KCTD1: variants seen among roughly 807,000 people sequenced by gnomAD.
KCTD1 encodes the protein potassium channel tetramerization domain containing 1, also known as BTB/POZ domain-containing protein KCTD1.
A neutral mutation model predicts 66.0 loss-of-function variants in KCTD1; 24 were observed. The observed-to-expected ratio is 0.36, with a 90% confidence interval of 0.26 to 0.51. KCTD1 has a LOEUF of 0.51. Among genes scored for constraint, KCTD1 ranks in the 20% least tolerant of loss-of-function variants. KCTD1 has a pLI of 0.95. For missense variants in KCTD1, 943 were observed against 1,205.2 expected (o/e 0.78, Z 3.22); for synonymous variants, 511 against 517.2 (o/e 0.99, Z 0.16).
At chr18:26,640,883 G>C (rs1288325974), upstream of KCTD1, among the ~76,000 whole-genome samples, 1 of 152,108 alleles carries the variant, frequency 6.6e-6, no homozygotes, top group Non-Finnish European at 1.5e-5. Flanking sequence ...CATCTGCGGA[G>C]GAAGCTTGGG....
chr18:26,543,963 T>C (rs1985093831), intron 1 of KCTD1: 1 of 152,238 alleles, frequency 6.6e-6, no homozygotes. Flanking sequence ...GAAGTACTGT[T>C]CTCTGAGGTA....
chr18:26,515,575 G>A (rs548277863), intron 1 of KCTD1, among the ~76,000 whole-genome samples: 116 of 145,416 alleles, frequency 8.0e-4, no homozygotes, highest in Non-Finnish European at 1.3e-3. Context: ...TGGCTTGCTC[G>A]GCTCACTGCA....
At chr18:26,546,601 C>T in intron 1 of KCTD1, 127 bp downstream of exon 1, 1 of 1,143,842 alleles carries the variant, frequency 8.7e-7, no homozygotes, top group South Asian at 1.8e-5. Flanking sequence ...AAGGGTGAAA[C>T]GAAATCCGAT....
intron 1 of KCTD1, among the ~76,000 whole-genome samples, chr18:26,572,465 C>T (rs904391325): frequency 3.9e-5 from 6 of 152,112 alleles, no homozygotes; most frequent in Admixed American, 1.3e-4. Flanking sequence ...TACATGAATC[C>T]GATTGTAACA....
At chr18:26,544,296 A>G (rs1277929041) in intron 1 of KCTD1, 1 of 152,232 alleles carries the variant, frequency 6.6e-6, no homozygotes, top group East Asian at 1.9e-4. Context: ...TAATCCTTGA[A>G]TGCATTCATT....
chr18:26,629,081 G>A, intron 1 of KCTD1: 1 of 698,694 alleles, frequency 1.4e-6, no homozygotes, highest in Non-Finnish European at 1.8e-6. Context: ...TTGTCTTTCT[G>A]GCTTTGCAGA....
At chr18:26,565,242 T>C (rs1432325807) in intron 1 of KCTD1, among the ~76,000 whole-genome samples, 2 of 152,238 alleles carry the variant, frequency 1.3e-5, no homozygotes, top group Non-Finnish European at 2.9e-5. Flanking sequence ...CCCTTTATTT[T>C]TGCAAACAAT....
At position 26,455,725 on chromosome 18, in the gene KCTD1, C is replaced by G. The variant is rs759121701; in HGVS notation, c.*18G>C. ...TTGGTTGTGTGTGTTTTCCTTTTTG[C>G]ATAAGAAATATGTCCATTTAGTCCA... is the stretch of plus-strand genomic sequence containing the variant. On this transcript the variant is annotated 3_prime_UTR_variant, in exon 5 of 5. Transcript: ENST00000580059. 1.2e-6 allele frequency: 2 copies of G among 1,613,400 alleles called. No homozygotes were observed. Among genetic ancestry groups the G allele is most frequent in the East Asian group, 4.5e-5 (2 of 44,878 alleles).
chr18:26,583,413 AAAAAG>A (rs1986403247), intron 1 of KCTD1, among the ~76,000 whole-genome samples: 2 of 149,890 alleles, frequency 1.3e-5, no homozygotes, highest in South Asian at 4.2e-4. Flanking sequence ...AAAAAAAAAA[AAAAAG>A]AAAAAGAAAA....
chr18:26,490,769 T>A (rs1250870774), intron 2 of KCTD1, among the ~76,000 whole-genome samples: 1 of 152,138 alleles, frequency 6.6e-6, no homozygotes, highest in Non-Finnish European at 1.5e-5. Flanking sequence ...CTTTTTTTTT[T>A]AGATAGAGTC....
chr18:26,542,712 T>A (rs1448042223), intron 1 of KCTD1, among the ~76,000 whole-genome samples: 1 of 152,104 alleles, frequency 6.6e-6, no homozygotes, highest in Non-Finnish European at 1.5e-5. Context: ...GCTTGGGGAG[T>A]CAAATTTTAA....
chr18:26,615,161 TG>T (rs1239445726), intron 1 of KCTD1, among the ~76,000 whole-genome samples: 1 of 152,170 alleles, frequency 6.6e-6, no homozygotes, highest in African/African-American at 2.4e-5. Flanking sequence ...TACAAAGCTT[TG>T]TAAATAACTG....
At chr18:26,549,292 A>G (rs1005989892), upstream of KCTD1, 2 of 984,960 alleles carry the variant, frequency 2.0e-6, no homozygotes, top group African/African-American at 1.8e-5. Flanking sequence ...GCGGCTCCCA[A>G]CTCCCTTTCC....
At chr18:26,513,394 T>G (rs936012674) in intron 1 of KCTD1, among the ~76,000 whole-genome samples, 3 of 151,870 alleles carry the variant, frequency 2.0e-5, no homozygotes, top group African/African-American at 7.3e-5. Flanking sequence ...GCCTCCAGGG[T>G]GTATTATTTT....
At chr18:26,466,503 T>G (rs1980741298) in intron 3 of KCTD1, among the ~76,000 whole-genome samples, 1 of 152,220 alleles carries the variant, frequency 6.6e-6, no homozygotes, top group African/African-American at 2.4e-5. Flanking sequence ...GGAGACACTC[T>G]TGGTTGTTGC....
intron 1 of KCTD1, among the ~76,000 whole-genome samples, chr18:26,615,029 G>T (rs1468672155): frequency 6.6e-6 from 1 of 152,158 alleles, no homozygotes; most frequent in African/African-American, 2.4e-5. Context: ...TCTTGATCTG[G>T]TTACATGGAC....
intron 4 of KCTD1, chr18:26,456,195 G>T: frequency 3.7e-6 from 1 of 273,268 alleles, no homozygotes; most frequent in Non-Finnish European, 6.9e-6. Flanking sequence ...GCTAGTCAGT[G>T]ATGGGACTGG....
At chr18:26,561,412 A>C (rs7227201) in intron 1 of KCTD1, among the ~76,000 whole-genome samples, 23,742 of 152,046 alleles carry the variant, frequency 0.16, 2,655 homozygotes, top group African/African-American at 0.32. Flanking sequence ...CATCTCTGAA[A>C]TCTGTCTCCA....
chr18:26,487,895 G>C (rs907589282), intron 2 of KCTD1, among the ~76,000 whole-genome samples: 6 of 152,120 alleles, frequency 3.9e-5, no homozygotes, highest in Admixed American at 3.9e-4. Context: ...AGCTAAGAAG[G>C]ATTCCTCATT....
Sources: allele counts gnomAD v4.1 joint callset (sites outside exome capture counted in the v4.1 genomes callset), GRCh38; gene constraint gnomAD v4.1.1; transcripts MANE v1.5; gene names NCBI Gene and HGNC (gene_info 2026-07-23, HGNC 2026-07-21).